ACKR4: variants seen among roughly 807,000 people sequenced by gnomAD.
The protein encoded by ACKR4 is atypical chemokine receptor 4.
Under a neutral mutation model 8.5 loss-of-function variants are expected in ACKR4, and 2 were observed. That is an observed-to-expected ratio of 0.23 (90% CI 0.10 to 0.74). The LOEUF (loss-of-function observed/expected upper bound fraction) is 0.74, where lower values mean the gene tolerates loss of function less well. ACKR4 is among the 30% of genes least tolerant of loss of function. ACKR4 has a pLI of 0.75. For synonymous variants in ACKR4, 67 were observed against 145.0 expected, an observed-to-expected ratio of 0.46 and a Z score of 3.86; for missense variants, 167 against 422.1, an observed-to-expected ratio of 0.40 and a Z score of 5.30.
chr3:132,602,509 T>G lies in ACKR4; in HGVS notation c.*1059T>G, dbSNP rs75518936. Among the ~76,000 whole-genome samples the G allele has an allele frequency of 2.6e-3, 396 of 152,290 alleles. 2 individuals carry two copies. The highest frequency in any genetic ancestry group is 9.0e-3 in the African/African-American group (373 of 41,568). ...ACACTTTATTTTTGAGTAATAAAAA[T>G]ATGTACCACAATAAATTATTGTTAA... On this transcript the variant is annotated 3_prime_UTR_variant, in exon 2 of 2. Coordinates refer to ENST00000249887, the MANE Select transcript of ACKR4 (RefSeq NM_016557.4).
chr3:132,599,408 G>C (rs942550566), intron 1 of ACKR4, among the ~76,000 whole-genome samples: 2 of 151,958 alleles, frequency 1.3e-5, no homozygotes, highest in Non-Finnish European at 1.5e-5. Context: ...TTGGGAGGCT[G>C]AGGCAGGAGA....
chr3:132,599,218 T>A (rs1315627430), intron 1 of ACKR4, among the ~76,000 whole-genome samples: 1 of 151,924 alleles, frequency 6.6e-6, no homozygotes, highest in Non-Finnish European at 1.5e-5. Flanking sequence ...GATTAAAATT[T>A]AAAAATAGGC....
rs973457796 is a variant in ACKR4, at chr3:132,597,616, A to AT, written c.-10+303dup. ...TTTTCACTTTCTTTTACAAGTACTG[A>AT]TTTTTTTTTTATTCTCATGGTAATT... On this transcript the variant is annotated intron_variant, in intron 1 of 1. Coordinates refer to ENST00000249887, the MANE Select transcript of ACKR4 (RefSeq NM_016557.4). Among the ~76,000 whole-genome samples the AT allele has an allele frequency of 1.8e-3, 264 of 149,582 alleles. No individual in the cohort carries two copies. The East Asian group carries it at 0.019, about 11-fold the overall frequency.
intron 1 of ACKR4, among the ~76,000 whole-genome samples, chr3:132,598,129 T>G (rs556062688): frequency 5.3e-5 from 8 of 152,274 alleles, no homozygotes; most frequent in African/African-American, 1.7e-4. Context: ...CATTATTGAT[T>G]CTATAAGAAT....
At chr3:132,599,431 C>T (rs1467211051) in intron 1 of ACKR4, among the ~76,000 whole-genome samples, 2 of 151,596 alleles carry the variant, frequency 1.3e-5, no homozygotes, top group African/African-American at 4.8e-5. Flanking sequence ...CGCATGAACC[C>T]GGGAGGCGGA....
chr3:132,601,357 A>C lies in ACKR4; in HGVS notation c.960A>C (p.Lys320Asn). The C allele has an allele frequency of 6.2e-7, 1 of 1,610,790 alleles. No individual in the cohort carries two copies. The highest frequency in any genetic ancestry group is 8.5e-7 in the Non-Finnish European group (1 of 1,178,212). The change falls in exon 2 of 2, where the codon AAA becomes AAC. Residue 320 changes from lysine (K) to asparagine (N), a missense_variant. Transcript: ENST00000249887. ...FKNYVMKVAK[K>N]YGSWRRQRQS... ...ACTACGTTATGAAAGTGGCCAAGAA[A>C]TATGGGTCCTGGAGAAGACAGAGAC...
At position 132,601,720 on chromosome 3, in the gene ACKR4, T is replaced by G. The variant is rs1938611163; in HGVS notation, c.*270T>G. The G allele has an allele frequency of 2.3e-6, 1 of 438,790 alleles. No homozygotes were observed. Among genetic ancestry groups the G allele is most frequent in the Admixed American group, 3.6e-5 (1 of 27,868 alleles). 27.2% of individuals were successfully genotyped at this position (438,790 alleles called of 1,614,324 possible). On this transcript the variant is annotated 3_prime_UTR_variant, in exon 2 of 2. Transcript: ENST00000249887. ...ACTCTGCTGTAACGAAGAAGAGCTT[T>G]GTGGTGATAATTTTGTATCTTGGTT...
intron 1 of ACKR4, among the ~76,000 whole-genome samples, chr3:132,598,379 C>T (rs572090884): frequency 6.6e-6 from 1 of 152,276 alleles, no homozygotes; most frequent in African/African-American, 2.4e-5. Flanking sequence ...AGAGTAACAG[C>T]TTTATACCTG....
At position 132,598,750 on chromosome 3, in the gene ACKR4, A is replaced by G. The variant is rs549652790; in HGVS notation, c.-10+1427A>G. ...GTGGGTGCCAGCCCACTGCTGAGAA[A>G]TTAGTCCTATCACTGTCTCTAGTGT... On this transcript the variant is annotated intron_variant, in intron 1 of 1. Transcript: ENST00000249887. Among the ~76,000 whole-genome samples the G allele has an allele frequency of 4.7e-4, 72 of 152,334 alleles. 1 individual carries two copies. The highest frequency in any genetic ancestry group is 1.2e-3 in the South Asian group (6 of 4,818).
intron 1 of ACKR4, among the ~76,000 whole-genome samples, chr3:132,599,710 A>G (rs1160822555): frequency 6.6e-6 from 1 of 152,070 alleles, no homozygotes; most frequent in Non-Finnish European, 1.5e-5. Context: ...ACAAGAATGA[A>G]GCAGGCTTAC....
chr3:132,601,104 C>T lies in ACKR4; in HGVS notation c.707C>T (p.Ser236Phe). The change falls in exon 2 of 2, where the codon TCT (serine) becomes TTT (phenylalanine). Residue 236 changes from serine to phenylalanine, a missense_variant. Around this residue, in one of 2 missense-constraint regions of ACKR4, gnomAD observed 149 missense variants for 281.9 expected, o/e 0.53. Coordinates refer to ENST00000249887, the MANE Select transcript of ACKR4 (RefSeq NM_016557.4). ...TLMKMPNIKI[S>F]RPLKVLLTVV... is the part of the protein sequence containing the mutation. ...ATGAAGATGCCAAACATTAAAATATCTCGACCCCTAAAAGTTCTGCTCACA... is the reference window on the plus strand; with the variant it reads ...ATGAAGATGCCAAACATTAAAATATTTCGACCCCTAAAAGTTCTGCTCACA... The T allele has an allele frequency of 2.5e-6, 4 of 1,613,768 alleles. No individual in the cohort carries two copies. In the African/African-American group the frequency reaches 5.3e-5, roughly 22 times the overall value.
chr3:132,600,994 G>T lies in ACKR4; in HGVS notation c.597G>T (p.Leu199Phe). Reference protein sequence around the residue: ...PRYLGTSMKALIQMLEICIGF... With the variant: ...PRYLGTSMKAFIQMLEICIGF... ...ACCTAGGAACATCAATGAAAGCATT[G>T]ATTCAAATGCTAGAGATCTGCATTG... Residue 199 changes from leucine (L) to phenylalanine (F), a missense_variant, in exon 2 of 2, where the codon TTG becomes TTT. Around this residue, in one of 2 missense-constraint regions of ACKR4, gnomAD observed 149 missense variants for 281.9 expected, o/e 0.53. Transcript: ENST00000249887. 1 of 1,613,352 alleles carries T rather than the reference G, an allele frequency of 6.2e-7. No homozygotes were observed. Among genetic ancestry groups the T allele is most frequent in the Non-Finnish European group, 8.5e-7 (1 of 1,179,628 alleles).
chr3:132,598,959 A>G (rs1938442986), intron 1 of ACKR4, among the ~76,000 whole-genome samples: 1 of 152,192 alleles, frequency 6.6e-6, no homozygotes, highest in Non-Finnish European at 1.5e-5. Flanking sequence ...TGGTGGAAGT[A>G]AGAAAAACGT....
rs984160707 is a variant in ACKR4, at chr3:132,602,635, T to C, written c.*1185T>C. 2.0e-5 allele frequency among the ~76,000 whole-genome samples: 3 copies of C among 152,180 alleles called. No homozygotes were observed. Among genetic ancestry groups the C allele is most frequent in the Admixed American group, 2.0e-4 (3 of 15,262 alleles). On this transcript the variant is annotated 3_prime_UTR_variant, in exon 2 of 2. Transcript: ENST00000249887. The stretch of plus-strand genomic sequence containing the variant: ...AATTAAATTTTGCTAGCAATTACAT[T>C]GGTCAAAAATAGTATGCACTAATGA...
In ACKR4 at chr3:132,602,530, GTTAA is replaced by G. The variant is rs1938657414; in HGVS notation, c.*1085_*1088del. Among the ~76,000 whole-genome samples, 1 of 151,814 alleles carries G rather than the reference GTTAA, an allele frequency of 6.6e-6. No homozygotes were observed. The highest frequency in any genetic ancestry group is 2.4e-5 in the African/African-American group (1 of 41,324). On this transcript the variant is annotated 3_prime_UTR_variant, in exon 2 of 2. Coordinates refer to ENST00000249887, the MANE Select transcript of ACKR4 (RefSeq NM_016557.4). ...AAAATATGTACCACAATAAATTATT[GTTAA>G]TTAACATGTACAGCTTATCTTTTTT...
intron 1 of ACKR4, among the ~76,000 whole-genome samples, chr3:132,597,546 G>A (rs770004847): frequency 3.3e-5 from 5 of 151,114 alleles, no homozygotes; most frequent in African/African-American, 9.7e-5. Context: ...ATTACTTGTC[G>A]GTAAAACTTT....
rs1938632508 is a variant in ACKR4 at position 132,602,082 on chromosome 3, C to T, written c.*632C>T. On this transcript the variant is annotated 3_prime_UTR_variant, in exon 2 of 2. Transcript: ENST00000249887. ...TTTTAATACAAGAACGATTTCCCTG[C>T]ATAATTTTAGTACTTGAATAAGTAT... The T allele has an allele frequency of 6.0e-6, 1 of 166,338 alleles. No individual in the cohort carries two copies. Among genetic ancestry groups the T allele is most frequent in the African/African-American group, 2.4e-5 (1 of 41,246 alleles). The allele number at this position is 166,338 out of a possible 1,614,324, so 10.3% of individuals were successfully genotyped here.
chr3:132,601,037 C>G lies in ACKR4; in HGVS notation c.640C>G (p.Leu214Val). Residue 214 changes from leucine (L) to valine (V), a missense_variant, in exon 2 of 2, where the codon CTT becomes GTT. Leu to Val is a conservative substitution (Grantham distance 32, BLOSUM62 1). Coordinates refer to ENST00000249887, the MANE Select transcript of ACKR4 (RefSeq NM_016557.4). ...CTGCATTGGATTTGTAGTACCCTTTCTTATTATGGGGGTGTGCTACTTTAT... is the reference window on the plus strand; with the variant it reads ...CTGCATTGGATTTGTAGTACCCTTTGTTATTATGGGGGTGTGCTACTTTAT... ...EICIGFVVPF[L>V]IMGVCYFITA... The G allele has an allele frequency of 4.3e-6, 7 of 1,613,898 alleles. No homozygotes were observed. Among genetic ancestry groups the G allele is most frequent in the Non-Finnish European group, 5.9e-6 (7 of 1,179,834 alleles).
At chr3:132,597,710 A>C (rs1194945252) in intron 1 of ACKR4, among the ~76,000 whole-genome samples, 1 of 151,556 alleles carries the variant, frequency 6.6e-6, no homozygotes, top group Non-Finnish European at 1.5e-5. Flanking sequence ...TTCCATTTCT[A>C]CTCTTTTTTA....
Sources: allele counts gnomAD v4.1 joint callset (sites outside exome capture counted in the v4.1 genomes callset), GRCh38; gene constraint gnomAD v4.1.1; regional missense constraint gnomAD v4.1.1; transcripts MANE v1.5; gene names NCBI Gene and HGNC (gene_info 2026-07-23, HGNC 2026-07-21).